CDH18: variants seen among roughly 807,000 people sequenced by gnomAD.
CDH18 encodes the protein cadherin-18.
Under a neutral mutation model 67.9 loss-of-function variants are expected in CDH18, and 31 were observed. That is an observed-to-expected ratio of 0.46 (90% CI 0.34 to 0.62). The LOEUF is 0.62. CDH18 is among the 20% of genes least tolerant of loss of function. The probability of loss-of-function intolerance (pLI) is 0.01; values close to 1 mark genes in which losing one functional copy is unlikely to be tolerated. For missense variants in CDH18, 890 were observed against 975.5 expected (o/e 0.91, Z 1.17); for synonymous variants, 362 against 347.2 (o/e 1.04, Z -0.48).
Position 19,941,649 on chromosome 5 carries a change from T to C in CDH18, c.-257+39411A>G, listed in dbSNP as rs529022559. Among the ~76,000 whole-genome samples, 68 of 151,956 alleles carry C rather than the reference T, an allele frequency of 4.5e-4. 2 individuals carry two copies. Among genetic ancestry groups the C allele is most frequent in the Middle Eastern group, 3.4e-3 (1 of 294 alleles). ...AAGAAAAAAAAGAGTTAACTGGGCATAGTGGCACATACCTGTAGTCTCAGC... is the reference window on the plus strand; with the variant it reads ...AAGAAAAAAAAGAGTTAACTGGGCACAGTGGCACATACCTGTAGTCTCAGC... On this transcript the variant is annotated intron_variant, in intron 2 of 12. Coordinates refer to ENST00000382275, the MANE Select transcript of CDH18 (RefSeq NM_004934.5).
At chr5:19,869,039 A>G (rs890621859) in intron 2 of CDH18, among the ~76,000 whole-genome samples, 1 of 152,216 alleles carries the variant, frequency 6.6e-6, no homozygotes, top group African/African-American at 2.4e-5. Flanking sequence ...TAGAAGTGAC[A>G]GAGCCATTAT....
intron 11 of CDH18, among the ~76,000 whole-genome samples, chr5:19,490,394 G>GGTTTTTTTTTTTT (rs1741223437): frequency 6.6e-5 from 4 of 60,210 alleles, no homozygotes; most frequent in African/African-American, 2.7e-4. Flanking sequence ...ATAAAAATCT[G>GGTTTTTTTTTTTT]TTTTTTTTTT....
chr5:20,200,043 T>G (rs1251882220), intron 2 of CDH18, among the ~76,000 whole-genome samples: 2 of 152,174 alleles, frequency 1.3e-5, no homozygotes, highest in South Asian at 2.1e-4. Flanking sequence ...CATAGCAGCA[T>G]GAGGAAGGAT....
At chr5:19,482,355 A>G (rs932373010) in intron 12 of CDH18, among the ~76,000 whole-genome samples, 1 of 152,050 alleles carries the variant, frequency 6.6e-6, no homozygotes, top group African/African-American at 2.4e-5. Flanking sequence ...TGACTTCGTG[A>G]TCCGCCCGCC....
intron 1 of CDH18, among the ~76,000 whole-genome samples, chr5:20,391,513 T>G (rs1744857951): frequency 6.6e-6 from 1 of 152,102 alleles, no homozygotes. Flanking sequence ...TTATAATTAT[T>G]ATTATTCAGA....
intron 2 of CDH18, among the ~76,000 whole-genome samples, chr5:20,150,265 A>G (rs925416628): frequency 3.9e-5 from 6 of 152,092 alleles, no homozygotes; most frequent in Non-Finnish European, 7.4e-5. Flanking sequence ...ATTACCTGAA[A>G]GTCTGCATCA....
chr5:20,328,223 G>C (rs1470540102), intron 1 of CDH18, among the ~76,000 whole-genome samples: 3 of 152,126 alleles, frequency 2.0e-5, no homozygotes, highest in Non-Finnish European at 2.9e-5. Context: ...CACAAGATCA[G>C]GAAACCAAAG....
intron 5 of CDH18, among the ~76,000 whole-genome samples, chr5:19,696,277 A>G (rs1036356202): frequency 5.3e-5 from 8 of 150,076 alleles, no homozygotes; most frequent in African/African-American, 1.7e-4. Context: ...TTTTTAAGAC[A>G]GAGTCTTGCT....
At chr5:19,869,377 G>A (rs1293289887) in intron 2 of CDH18, among the ~76,000 whole-genome samples, 2 of 151,936 alleles carry the variant, frequency 1.3e-5, no homozygotes, top group African/African-American at 4.8e-5. Flanking sequence ...TAATTTCATT[G>A]TACCCACCCT....
In CDH18 at chr5:19,773,997, C is replaced by T. The variant is rs558536932; in HGVS notation, c.229-26761G>A. On this transcript the variant is annotated intron_variant, in intron 3 of 12. Coordinates refer to ENST00000382275, the MANE Select transcript of CDH18 (RefSeq NM_004934.5). ...ACAAAGAAGCACCTTCTGGAGAATTCTGAGGGACTCTACTATTTCTCTATA... is the reference window on the plus strand; with the variant it reads ...ACAAAGAAGCACCTTCTGGAGAATTTTGAGGGACTCTACTATTTCTCTATA... 6.6e-5 allele frequency among the ~76,000 whole-genome samples: 10 copies of T among 152,260 alleles called. No individual in the cohort carries two copies. The East Asian group carries it at 1.9e-3, about 29-fold the overall frequency.
chr5:19,721,229 T>C, intron 5 of CDH18, 118 bp downstream of exon 5: 1 of 985,870 alleles, frequency 1.0e-6, no homozygotes, highest in Non-Finnish European at 1.5e-6. Flanking sequence ...TGAGGATATG[T>C]TTAAAATATG....
chr5:20,331,745 C>G (rs527734312), intron 1 of CDH18, among the ~76,000 whole-genome samples: 2 of 152,272 alleles, frequency 1.3e-5, no homozygotes, highest in Admixed American at 6.5e-5. Flanking sequence ...TTCCTGAAGT[C>G]TCAAGGTGGA....
intron 2 of CDH18, among the ~76,000 whole-genome samples, chr5:19,885,473 T>C (rs1261086639): frequency 6.6e-6 from 1 of 152,196 alleles, no homozygotes; most frequent in African/African-American, 2.4e-5. Context: ...GTAAAATACA[T>C]CGGTTAAAAA....
At chr5:20,400,295 T>C (rs1484468393) in intron 1 of CDH18, among the ~76,000 whole-genome samples, 1 of 151,924 alleles carries the variant, frequency 6.6e-6, no homozygotes, top group Non-Finnish European at 1.5e-5. Flanking sequence ...TTGGCCAACA[T>C]GGTAAAAACT....
chr5:20,231,039 T>C (rs1742027784), intron 2 of CDH18, among the ~76,000 whole-genome samples: 2 of 152,184 alleles, frequency 1.3e-5, no homozygotes, highest in Admixed American at 1.3e-4. Context: ...TGTATTCAGG[T>C]TGTTTCTTGG....
At chr5:20,522,259 C>T (rs561630129) in intron 1 of CDH18, among the ~76,000 whole-genome samples, 31 of 152,266 alleles carry the variant, frequency 2.0e-4, no homozygotes, top group Admixed American at 1.4e-3. Flanking sequence ...AAATTTCTGT[C>T]ATTTAAGCCA....
At chr5:20,211,479 G>C (rs1740351151) in intron 2 of CDH18, among the ~76,000 whole-genome samples, 1 of 152,128 alleles carries the variant, frequency 6.6e-6, no homozygotes, top group South Asian at 2.1e-4. Flanking sequence ...AGCCTAACTG[G>C]GAGACACCTC....
At chr5:20,285,768 T>G (rs192944783) in intron 1 of CDH18, among the ~76,000 whole-genome samples, 1 of 151,750 alleles carries the variant, frequency 6.6e-6, no homozygotes, top group Non-Finnish European at 1.5e-5. Flanking sequence ...AATTTAGTAA[T>G]AGTCAAATCA....
At chr5:19,600,086 CA>C (rs1427248518) in intron 6 of CDH18, among the ~76,000 whole-genome samples, 1 of 151,014 alleles carries the variant, frequency 6.6e-6, no homozygotes, top group African/African-American at 2.4e-5. Context: ...TCATTCTCAG[CA>C]AACTATTGCA....
Sources: allele counts gnomAD v4.1 joint callset (sites outside exome capture counted in the v4.1 genomes callset), GRCh38; gene constraint gnomAD v4.1.1; transcripts MANE v1.5; gene names NCBI Gene and HGNC (gene_info 2026-07-23, HGNC 2026-07-21).